EXOC4: variants seen among roughly 807,000 people sequenced by gnomAD.
EXOC4 encodes the protein exocyst complex component 4.
Under a neutral mutation model 107.2 loss-of-function variants are expected in EXOC4, and 71 were observed. The ratio of observed to expected loss-of-function variants is 0.66; its 90% confidence interval spans 0.55 to 0.81. EXOC4 has a LOEUF of 0.81. Ranked by LOEUF, EXOC4 falls within the 30% of genes least tolerant of loss-of-function variation. The probability of loss-of-function intolerance (pLI) is 0.00; values close to 1 mark genes in which losing one functional copy is unlikely to be tolerated. For missense variants in EXOC4, 1,108 were observed against 1,189.6 expected (o/e 0.93, Z 1.01); for synonymous variants, 456 against 441.2 (o/e 1.03, Z -0.42).
intron 9 of EXOC4, among the ~76,000 whole-genome samples, chr7:133,503,489 T>C (rs1799612927): frequency 6.6e-6 from 1 of 152,170 alleles, no homozygotes; most frequent in Non-Finnish European, 1.5e-5. Context: ...TTAATCCTCC[T>C]TCCTTTGTTG....
chr7:133,648,195 G>C (rs942429607), intron 10 of EXOC4, among the ~76,000 whole-genome samples: 5 of 152,120 alleles, frequency 3.3e-5, no homozygotes, highest in African/African-American at 1.2e-4. Flanking sequence ...GATTAGGGTT[G>C]CCTCTATTGC....
intron 10 of EXOC4, among the ~76,000 whole-genome samples, chr7:133,662,455 G>A (rs1320534436): frequency 6.6e-6 from 1 of 152,118 alleles, no homozygotes; most frequent in African/African-American, 2.4e-5. Flanking sequence ...TGTCTTTAGG[G>A]ACTTTGACAA....
chr7:133,628,590 T>C (rs571847992), intron 9 of EXOC4, among the ~76,000 whole-genome samples: 21 of 152,200 alleles, frequency 1.4e-4, no homozygotes, highest in African/African-American at 4.6e-4. Flanking sequence ...TAAGTGGGGG[T>C]AGAGTGTTTT....
intron 9 of EXOC4, among the ~76,000 whole-genome samples, chr7:133,623,698 A>G (rs796716181): frequency 3.9e-5 from 6 of 152,258 alleles, no homozygotes; most frequent in African/African-American, 1.4e-4. Context: ...TACCATCACT[A>G]ATTCTGATTT....
chr7:133,339,995 C>T (rs1250754306), intron 5 of EXOC4, among the ~76,000 whole-genome samples: 2 of 152,074 alleles, frequency 1.3e-5, no homozygotes, highest in Non-Finnish European at 2.9e-5. Flanking sequence ...TTTGGATGCC[C>T]TTTATTTCTT....
intron 12 of EXOC4, among the ~76,000 whole-genome samples, chr7:133,917,289 C>T (rs1799831090): frequency 6.6e-6 from 1 of 152,142 alleles, no homozygotes; most frequent in African/African-American, 2.4e-5. Context: ...CCCCCCAAAA[C>T]ATACCATATG....
intron 10 of EXOC4, among the ~76,000 whole-genome samples, chr7:133,743,203 G>T (rs561606144): frequency 6.6e-6 from 1 of 152,126 alleles, no homozygotes; most frequent in Non-Finnish European, 1.5e-5. Flanking sequence ...AAAAGTCAAG[G>T]TAATTAGGCT....
chr7:133,275,254 C>T, intron 2 of EXOC4, 83 bp downstream of exon 2: 1 of 1,126,702 alleles, frequency 8.9e-7, no homozygotes, highest in Non-Finnish European at 1.2e-6. Context: ...ATGGTAGTGG[C>T]TAATGGTCCT....
At chr7:133,959,018 G>A (rs777917851) in intron 14 of EXOC4, among the ~76,000 whole-genome samples, 4 of 152,202 alleles carry the variant, frequency 2.6e-5, no homozygotes, top group Non-Finnish European at 5.9e-5. Flanking sequence ...CCAGGATGGT[G>A]CAGGTGTAGG....
rs535782682 is a variant in EXOC4 at position 133,823,394 on chromosome 7, G to A, written c.1734+5850G>A. ...CCCATTGGTTGCTCAGGGGTGGGGC[G>A]TGCTTGGGCATCAGTGTTTGGTATG... On this transcript the variant is annotated intron_variant, in intron 11 of 17. Coordinates refer to ENST00000253861, the MANE Select transcript of EXOC4 (RefSeq NM_021807.4). Among the ~76,000 whole-genome samples the A allele has an allele frequency of 1.6e-3, 239 of 152,102 alleles. 1 individual carries two copies. The highest frequency in any genetic ancestry group is 2.9e-3 in the Non-Finnish European group (194 of 68,026).
chr7:133,261,400 G>T (rs1440037757), intron 1 of EXOC4, among the ~76,000 whole-genome samples: 3 of 151,900 alleles, frequency 2.0e-5, no homozygotes, highest in African/African-American at 7.3e-5. Flanking sequence ...CCAAGTTGCT[G>T]AGACTATAGT....
intron 10 of EXOC4, 39 bp downstream of exon 10, chr7:133,630,180 A>G (rs1427186166): frequency 6.9e-7 from 1 of 1,444,782 alleles, no homozygotes; most frequent in South Asian, 1.2e-5. Context: ...GAAGATCAAT[A>G]TTTTCATTAT....
chr7:134,050,062 G>A (rs1795748026), intron 17 of EXOC4, among the ~76,000 whole-genome samples: 1 of 152,130 alleles, frequency 6.6e-6, no homozygotes, highest in African/African-American at 2.4e-5. Flanking sequence ...GTGCAGAACA[G>A]TATGTAAACA....
chr7:133,265,851 A>G (rs1184970637), intron 1 of EXOC4, among the ~76,000 whole-genome samples: 1 of 152,184 alleles, frequency 6.6e-6, no homozygotes, highest in East Asian at 1.9e-4. Context: ...AATATTTCTT[A>G]TAGCCAGTTA....
intron 12 of EXOC4, among the ~76,000 whole-genome samples, chr7:133,908,999 C>T (rs979277483): frequency 6.6e-6 from 1 of 152,140 alleles, no homozygotes; most frequent in Non-Finnish European, 1.5e-5. Context: ...CCCCCTAACT[C>T]CCGACAGGCC....
At chr7:133,716,187 C>T (rs1794994796) in intron 10 of EXOC4, among the ~76,000 whole-genome samples, 1 of 152,342 alleles carries the variant, frequency 6.6e-6, no homozygotes, top group South Asian at 2.1e-4. Flanking sequence ...GGCATCCATT[C>T]ATCAAATGTT....
intron 5 of EXOC4, among the ~76,000 whole-genome samples, chr7:133,347,351 C>A (rs909781057): frequency 7.9e-5 from 12 of 151,294 alleles, no homozygotes; most frequent in African/African-American, 2.9e-4. Flanking sequence ...TCAAGCAATT[C>A]TCCTGCCTCA....
chr7:134,075,149 C>A, the EXOC4 span, among the ~76,000 whole-genome samples: 125 of 152,334 alleles, frequency 8.2e-4, 1 homozygote, highest in East Asian at 0.021. Context: ...CTTCTTTTTT[C>A]TTACCTTGCT....
At chr7:133,558,922 T>G (rs1800755153) in intron 9 of EXOC4, among the ~76,000 whole-genome samples, 2 of 152,216 alleles carry the variant, frequency 1.3e-5, no homozygotes, top group African/African-American at 2.4e-5. Context: ...TCCTTACTTT[T>G]AAGACATAGG....
Sources: allele counts gnomAD v4.1 joint callset (sites outside exome capture counted in the v4.1 genomes callset), GRCh38; gene constraint gnomAD v4.1.1; transcripts MANE v1.5; gene names NCBI Gene and HGNC (gene_info 2026-07-23, HGNC 2026-07-21).